LGR4: variants seen among roughly 807,000 people sequenced by gnomAD.
LGR4 encodes leucine-rich repeat-containing G protein-coupled receptor 4.
Under a neutral mutation model 84.8 loss-of-function variants are expected in LGR4, and 44 were observed. The ratio of observed to expected loss-of-function variants is 0.52; its 90% CI spans 0.41 to 0.67. The LOEUF (loss-of-function observed/expected upper bound fraction) is 0.67. Ranked by LOEUF, LGR4 falls within the 30% of genes least tolerant of loss-of-function variation. LGR4 has a pLI of 0.00. For synonymous variants in LGR4, 429 were observed against 434.3 expected (o/e 0.99, Z 0.15); for missense variants, 1,032 against 1,131.4 (o/e 0.91, Z 1.26).
In LGR4 at chr11:27,432,510, C is replaced by T. The variant is rs185025677; in HGVS notation, c.186-19650G>A. On this transcript the variant is annotated intron_variant, in intron 1 of 17. Coordinates refer to ENST00000379214, the MANE Select transcript of LGR4 (RefSeq NM_018490.5). The stretch of plus-strand genomic sequence containing the variant: ...ATGGAAAAAAGCAGCCTATTTCTGC[C>T]CTTCAAATAACAGAGGAAAATAAAG... Among the ~76,000 whole-genome samples, 104 of 152,048 alleles carry T rather than the reference C, an allele frequency of 6.8e-4. 2 individuals carry two copies. The Middle Eastern group carries it at 0.027, about 40-fold the overall frequency.
intron 10 of LGR4, among the ~76,000 whole-genome samples, chr11:27,379,991 C>T (rs1863059998): frequency 6.6e-6 from 1 of 152,152 alleles, no homozygotes; most frequent in South Asian, 2.1e-4. Flanking sequence ...ACATCGAATG[C>T]CCCCACTTCT....
intron 1 of LGR4, among the ~76,000 whole-genome samples, chr11:27,460,293 G>A (rs1186043619): frequency 6.6e-6 from 1 of 152,128 alleles, no homozygotes; most frequent in Non-Finnish European, 1.5e-5. Flanking sequence ...AAAGGTCATT[G>A]CAGCAGTGTT....
chr11:27,430,183 A>G (rs1165519097), intron 1 of LGR4, among the ~76,000 whole-genome samples: 1 of 152,206 alleles, frequency 6.6e-6, no homozygotes, highest in Non-Finnish European at 1.5e-5. Flanking sequence ...TATAGTAATT[A>G]ATTCAAAGAC....
chr11:27,450,876 A>C (rs1221547410), intron 1 of LGR4, among the ~76,000 whole-genome samples: 2 of 152,182 alleles, frequency 1.3e-5, no homozygotes, highest in Non-Finnish European at 2.9e-5. Context: ...GAAACAAAAC[A>C]ACCATTTCTT....
At chr11:27,468,489 A>G (rs1431779719) in intron 1 of LGR4, among the ~76,000 whole-genome samples, 1 of 152,214 alleles carries the variant, frequency 6.6e-6, no homozygotes, top group Non-Finnish European at 1.5e-5. Context: ...AACTCCTCCA[A>G]GTAATAAAGA....
chr11:27,397,223 G>GTAATAAAAGCAGCATTATAA (rs1863408707), intron 2 of LGR4, among the ~76,000 whole-genome samples: 1 of 152,118 alleles, frequency 6.6e-6, no homozygotes, highest in Non-Finnish European at 1.5e-5. Flanking sequence ...TCTACAAACT[G>GTAATAAAAGCAGCATTATAA]AAGCCTTGTT....
rs76220141 is a variant in LGR4 at position 27,376,441 on chromosome 11, G to T, written c.1110-71C>A. On this transcript the variant is annotated intron_variant, in intron 12 of 17. Transcript: ENST00000379214. ...AAGAGAACAGGAGGAGGAGGAAAGAGAAAGGGATAGAGAAAAAGAAAAAAG... is the reference window on the plus strand; with the variant it reads ...AAGAGAACAGGAGGAGGAGGAAAGATAAAGGGATAGAGAAAAAGAAAAAAG... The T allele has an allele frequency of 0.039, 28,612 of 736,514 alleles. 858 individuals are homozygous for T. The highest frequency in any genetic ancestry group is 0.11 in the African/African-American group (5,974 of 55,848). 45.6% of individuals were successfully genotyped at this position (736,514 alleles called of 1,614,324 possible).
At chr11:27,413,731 C>T (rs1590374274) in intron 1 of LGR4, among the ~76,000 whole-genome samples, 1 of 152,084 alleles carries the variant, frequency 6.6e-6, no homozygotes, top group East Asian at 1.9e-4. Context: ...TGGCATGAAA[C>T]TTCACATGTA....
intron 13 of LGR4, among the ~76,000 whole-genome samples, chr11:27,374,545 A>G (rs556781829): frequency 1.3e-5 from 2 of 152,328 alleles, no homozygotes; most frequent in South Asian, 4.1e-4. Context: ...TAAAAATTGC[A>G]TCAACAGTAC....
At chr11:27,462,912 A>C (rs1209542546) in intron 1 of LGR4, among the ~76,000 whole-genome samples, 1 of 151,812 alleles carries the variant, frequency 6.6e-6, no homozygotes, top group Non-Finnish European at 1.5e-5. Flanking sequence ...CATTTTTGAA[A>C]ATCTATTCAT....
At position 27,385,455 on chromosome 11, in the gene LGR4, T is replaced by C; in HGVS notation, c.415A>G (p.Asn139Asp). 6.2e-7 allele frequency: 1 copy of C among 1,603,030 alleles called. No homozygotes were observed. The highest frequency in any genetic ancestry group is 8.5e-7 in the Non-Finnish European group (1 of 1,174,878). The change falls in exon 5 of 18, where the codon AAC becomes GAC. Residue 139 changes from asparagine (N) to aspartate (D), a missense_variant. By Grantham distance (23) the Asn-to-Asp change is conservative. Transcript: ENST00000379214. ...SALQSLRLDA[N>D]HITSVPEDSF... ...TCCTCGGGGACTGAGGTAATATGGT[T>C]GGCATCTAAACGCCTAACAGAAACA...
Position 27,368,640 on chromosome 11 carries a change from G to A in LGR4, c.2083C>T (p.Pro695Ser), listed in dbSNP as rs1862816264. The A allele has an allele frequency of 6.2e-7, 1 of 1,613,940 alleles. No homozygotes were observed. The change falls in exon 18 of 18, where the codon CCA (proline) becomes TCA (serine). Residue 695 changes from proline to serine, a missense_variant. By Grantham distance (74) the Pro-to-Ser change is moderately conservative. Transcript: ENST00000379214. ...GATGGCGTTTCACCTGTAGGAAATG[G>A]CAAACAAAGGGGTGATGCAGAATAT... ...GEYSASPLCL[P>S]FPTGETPSLG...
chr11:27,412,869 C>G lies in LGR4; in HGVS notation c.186-9G>C. Reference sequence around the variant, plus strand: ...TGTTCATACTGATATCCCTGGAAAACGTAAAGTTAAGAATATTGTTAATTA... The same window carrying G: ...TGTTCATACTGATATCCCTGGAAAAGGTAAAGTTAAGAATATTGTTAATTA... On this transcript the variant is annotated splice_polypyrimidine_tract_variant and intron_variant, in intron 1 of 17. Coordinates refer to ENST00000379214, the MANE Select transcript of LGR4 (RefSeq NM_018490.5). The G allele has an allele frequency of 6.3e-7, 1 of 1,575,040 alleles. No individual in the cohort carries two copies.
At chr11:27,463,160 G>T (rs114587246) in intron 1 of LGR4, among the ~76,000 whole-genome samples, 1 of 151,492 alleles carries the variant, frequency 6.6e-6, no homozygotes, top group African/African-American at 2.4e-5. Flanking sequence ...ACTGAGGTAC[G>T]AGGATGCCCT....
chr11:27,437,297 A>T (rs1864228723), intron 1 of LGR4, among the ~76,000 whole-genome samples: 2 of 148,446 alleles, frequency 1.3e-5, no homozygotes, highest in Admixed American at 1.3e-4. Context: ...GTTTTGGCCA[A>T]TTTTTTTTTT....
chr11:27,466,040 G>C (rs139446260), intron 1 of LGR4, among the ~76,000 whole-genome samples: 1 of 152,132 alleles, frequency 6.6e-6, no homozygotes, highest in South Asian at 2.1e-4. Context: ...AAGGCCGCAC[G>C]GGACGGTTAA....
intron 1 of LGR4, among the ~76,000 whole-genome samples, chr11:27,446,385 G>A (rs926308607): frequency 2.0e-5 from 3 of 152,126 alleles, no homozygotes; most frequent in Non-Finnish European, 2.9e-5. Flanking sequence ...GATATGAACA[G>A]ACACTTCTCA....
At chr11:27,443,543 A>C (rs1057148844) in intron 1 of LGR4, among the ~76,000 whole-genome samples, 1 of 152,254 alleles carries the variant, frequency 6.6e-6, no homozygotes, top group African/African-American at 2.4e-5. Flanking sequence ...TTACAAATGT[A>C]CAAATTAAAA....
intron 2 of LGR4, among the ~76,000 whole-genome samples, chr11:27,408,770 A>G (rs894867144): frequency 2.0e-5 from 3 of 152,156 alleles, no homozygotes; most frequent in African/African-American, 7.2e-5. Context: ...ATCAAGGAAG[A>G]CTGCAATGTT....
Sources: gnomAD v4.1 joint callset for allele counts (sites outside exome capture counted in the v4.1 genomes callset) on GRCh38, gnomAD v4.1.1 for gene constraint, MANE v1.5 for transcripts, NCBI Gene and HGNC (gene_info 2026-07-23, HGNC 2026-07-21) for gene names.